The following MCF2L variants were observed in gnomAD, a reference collection of about 807,000 sequenced individuals.
The protein encoded by MCF2L is MCF.2 cell line derived transforming sequence like, also known as guanine nucleotide exchange factor DBS.
MCF2L carries 97 observed loss-of-function variants against 153.4 expected under a neutral mutation model. The ratio of observed to expected loss-of-function variants is 0.63; its 90% CI spans 0.54 to 0.75. MCF2L has a LOEUF of 0.75. MCF2L is among the 30% of genes least tolerant of loss of function. MCF2L has a pLI of 0.00. For synonymous variants in MCF2L, 659 were observed against 632.2 expected, an observed-to-expected ratio of 1.04 and a Z score of -0.64; for missense variants, 1,347 against 1,495.2, an observed-to-expected ratio of 0.90 and a Z score of 1.64.
chr13:112,931,958 T>A (rs1356221407), intron 2 of MCF2L, among the ~76,000 whole-genome samples: 1 of 152,154 alleles, frequency 6.6e-6, no homozygotes, highest in East Asian at 1.9e-4. Context: ...CGTAAATGAT[T>A]GAATAGATAT....
intron 1 of MCF2L, among the ~76,000 whole-genome samples, chr13:113,002,630 T>C (rs2083447741): frequency 2.0e-5 from 3 of 152,286 alleles, no homozygotes; most frequent in South Asian, 2.1e-4. Flanking sequence ...ATCCTGACAA[T>C]TGGAGCTTTG....
At chr13:112,980,582 G>A (rs146732911) in intron 1 of MCF2L, among the ~76,000 whole-genome samples, 315 of 149,716 alleles carry the variant, frequency 2.1e-3, no homozygotes, top group Non-Finnish European at 3.9e-3. Context: ...GGGGCTGAGC[G>A]GCGCCAGCCA....
intron 12 of MCF2L, 53 bp downstream of exon 12, chr13:113,076,210 C>A: frequency 7.6e-7 from 1 of 1,318,676 alleles, no homozygotes; most frequent in Admixed American, 2.3e-5. Flanking sequence ...AGCAGTGAGG[C>A]ATTCCTCTGT....
At chr13:112,946,275 C>T (rs1447537221) in intron 2 of MCF2L, among the ~76,000 whole-genome samples, 14 of 133,344 alleles carry the variant, frequency 1.0e-4, no homozygotes, top group Middle Eastern at 7.4e-3. Context: ...TAATGTTTCT[C>T]CCTTTCTGAT....
chr13:113,066,216 G>T (rs372934384), intron 8 of MCF2L, 46 bp downstream of exon 8: 17 of 1,547,212 alleles, frequency 1.1e-5, no homozygotes, highest in Non-Finnish European at 1.5e-5. Context: ...CCAGTCCATG[G>T]CAGGATCCTC....
In MCF2L at chr13:112,904,623, T is replaced by G. The variant is rs1484030770; in HGVS notation, c.169+2252T>G. On this transcript the variant is annotated intron_variant, in intron 2 of 29. Transcript: ENST00000375608. The surrounding 1 kb of genome is among the most constrained non-coding windows in gnomAD (Gnocchi z 4.2). The stretch of plus-strand genomic sequence containing the variant: ...TACCAAGAAAGCCCTTTAGGCAGCT[T>G]CCCTCCAACCCTGGACTCCAGGGGA... Among the ~76,000 whole-genome samples, 2 of 152,212 alleles carry G rather than the reference T, an allele frequency of 1.3e-5. No homozygotes were observed. Among genetic ancestry groups the G allele is most frequent in the Admixed American group, 6.5e-5 (1 of 15,280 alleles).
chr13:113,086,608 G>T (rs2034659368), intron 21 of MCF2L, among the ~76,000 whole-genome samples: 1 of 152,208 alleles, frequency 6.6e-6, no homozygotes, highest in Non-Finnish European at 1.5e-5. Context: ...TTTCTGGGCT[G>T]CGATTTGCAG....
chr13:113,020,985 ATGTG>A (rs1178201345), intron 2 of MCF2L, among the ~76,000 whole-genome samples: 2 of 150,176 alleles, frequency 1.3e-5, no homozygotes, highest in Non-Finnish European at 3.0e-5. Context: ...GTAGATGTGT[ATGTG>A]TGTGTATGTG....
At chr13:112,945,113 A>G (rs1411377934) in intron 2 of MCF2L, among the ~76,000 whole-genome samples, 3 of 150,392 alleles carry the variant, frequency 2.0e-5, no homozygotes, top group African/African-American at 7.4e-5. Flanking sequence ...GGTGCTCTAT[A>G]TACATATCTA....
intron 1 of MCF2L, among the ~76,000 whole-genome samples, chr13:112,997,037 G>A (rs1360995462): frequency 1.3e-5 from 2 of 152,216 alleles, no homozygotes; most frequent in African/African-American, 2.4e-5. Context: ...GCCCCGGGCC[G>A]CCCTCGCCTG....
At position 113,088,699 on chromosome 13, in the gene MCF2L, G is replaced by A. The variant is rs530653903; in HGVS notation, c.2834+71G>A. ...CCGAGCAGGCCATTTGCACGCCAGG[G>A]TCCTCGGCCTCTGTCAGTGGGACCC... On this transcript the variant is annotated intron_variant, in intron 25 of 29. Coordinates refer to ENST00000535094, the MANE Select transcript of MCF2L (RefSeq NM_001112732.3). The A allele has an allele frequency of 4.7e-6, 7 of 1,486,318 alleles. No homozygotes were observed. In the African/African-American group the frequency reaches 6.9e-5, roughly 15 times the overall value. 92.1% of individuals were successfully genotyped at this position (1,486,318 alleles called of 1,614,324 possible). A position where few individuals can be genotyped will look rare whatever the true frequency, so the allele number is the denominator to read the frequency against.
chr13:113,036,854 G>C (rs534816995), intron 3 of MCF2L, among the ~76,000 whole-genome samples: 20 of 152,378 alleles, frequency 1.3e-4, no homozygotes. Context: ...ATGGGGTTCA[G>C]ATACCAAGTG....
chr13:113,091,087 C>CT (rs2035165287), intron 26 of MCF2L: 5 of 1,303,590 alleles, frequency 3.8e-6, no homozygotes, highest in South Asian at 2.5e-5. Flanking sequence ...CACTCTCTCT[C>CT]CGGTTGTATT....
rs758632489 is a variant in MCF2L at position 113,044,976 on chromosome 13, A to G, written c.279-295A>G. 262 of 1,518,180 alleles carry G rather than the reference A, an allele frequency of 1.7e-4. 1 individual carries two copies. The highest frequency in any genetic ancestry group is 2.3e-4 in the Non-Finnish European group (255 of 1,111,994). 94.0% of individuals were successfully genotyped at this position (1,518,180 alleles called of 1,614,324 possible). The stretch of plus-strand genomic sequence containing the variant: ...CTCGGCTCTTACTGTGGAATAGCAA[A>G]TGACTGAGCTCGGGAGAGATGGTTC... On this transcript the variant is annotated intron_variant, in intron 3 of 29. Transcript: ENST00000535094.
intron 2 of MCF2L, among the ~76,000 whole-genome samples, chr13:112,921,003 TAA>T (rs35975644): frequency 0.022 from 3,159 of 140,898 alleles, 109 homozygotes; most frequent in African/African-American, 0.078. Context: ...TCATCTCTAC[TAA>T]AAAAAAAAAA....
At chr13:113,025,550 T>C (rs113584297) in intron 3 of MCF2L, among the ~76,000 whole-genome samples, 43 of 28,746 alleles carry the variant, frequency 1.5e-3, no homozygotes, top group Admixed American at 3.1e-3. Context: ...GACTGTGGGT[T>C]GGGGCAGAGT....
Position 113,014,654 on chromosome 13 carries a change from C to G in MCF2L, c.80-109C>G. On this transcript the variant is annotated intron_variant, in intron 1 of 29. Coordinates refer to ENST00000535094, the MANE Select transcript of MCF2L (RefSeq NM_001112732.3). ...GCCTTTTTCCAGCCACGTGACGCCA[C>G]TCCCGTAGGTGCCTGTGGATGTGCC... 3.6e-6 allele frequency: 3 copies of G among 827,240 alleles called. No individual in the cohort carries two copies. The South Asian group carries it at 4.6e-5, about 13-fold the overall frequency. 51.2% of individuals were successfully genotyped at this position (827,240 alleles called of 1,614,324 possible).
chr13:112,961,907 G>A (rs892810815), intron 2 of MCF2L, among the ~76,000 whole-genome samples: 12 of 152,090 alleles, frequency 7.9e-5, no homozygotes, highest in African/African-American at 2.4e-4. Context: ...CCACCCTCCC[G>A]CTCTGCTCCT....
At chr13:112,979,442 A>G (rs1020151553) in intron 1 of MCF2L, 3 of 1,407,686 alleles carry the variant, frequency 2.1e-6, no homozygotes, top group Non-Finnish European at 2.8e-6. Context: ...CACTCTGAGG[A>G]GGTGGCTCAG....
Sources: allele counts gnomAD v4.1 joint callset (sites outside exome capture counted in the v4.1 genomes callset), GRCh38; gene constraint gnomAD v4.1.1; non-coding constraint Gnocchi (gnomAD v3.1); transcripts MANE v1.5; gene names NCBI Gene and HGNC (gene_info 2026-07-23, HGNC 2026-07-21).